Variants in ARL15 observed in about 807,000 individuals in gnomAD.
ARL15 encodes ARF like GTPase 15.
ARL15 carries 19 observed loss-of-function variants against 25.2 expected under a neutral mutation model. That is an observed-to-expected ratio of 0.75 (90% confidence interval 0.53 to 1.10). ARL15 has a LOEUF of 1.10. ARL15 is among the 50% of genes least tolerant of loss of function. The pLI is 0.00. For synonymous variants in ARL15, 94 were observed against 86.8 expected (o/e 1.08, Z -0.46); for missense variants, 220 against 246.0 (o/e 0.89, Z 0.71).
In ARL15 at chr5:54,114,370, C is replaced by T. The variant is rs1315205847; in HGVS notation, c.254-960G>A. On this transcript the variant is annotated intron_variant, in intron 3 of 4. Transcript: ENST00000504924. ...AGTGAGCCAAGATCGCGCCACTGCACTCCAGCCTGGGCAACACAGCAAGGC... is the reference window on the plus strand; with the variant it reads ...AGTGAGCCAAGATCGCGCCACTGCATTCCAGCCTGGGCAACACAGCAAGGC... 2.4e-5 allele frequency among the ~76,000 whole-genome samples: 3 copies of T among 123,768 alleles called. No homozygotes were observed. The East Asian group carries it at 9.0e-4, about 37-fold the overall frequency. 81.2% of individuals were successfully genotyped at this position (123,768 alleles called of 152,430 possible).
chr5:54,129,040 A>G (rs1401589247), intron 3 of ARL15, among the ~76,000 whole-genome samples: 1 of 152,164 alleles, frequency 6.6e-6, no homozygotes, highest in African/African-American at 2.4e-5. Flanking sequence ...CTGGAAAATT[A>G]AATTTCTTTT....
chr5:54,218,706 T>C (rs908543654), intron 1 of ARL15, among the ~76,000 whole-genome samples: 1 of 152,012 alleles, frequency 6.6e-6, no homozygotes, highest in African/African-American at 2.4e-5. Context: ...AAGACGGCAA[T>C]GGCATCACCA....
chr5:54,062,105 G>A (rs112946706), intron 4 of ARL15, among the ~76,000 whole-genome samples: 14,063 of 152,244 alleles, frequency 0.092, 886 homozygotes, highest in African/African-American at 0.17. Context: ...TAGCCCTTTT[G>A]TTTTGGTCAA....
At chr5:54,003,163 T>C (rs1392533554) in intron 4 of ARL15, among the ~76,000 whole-genome samples, 1 of 152,222 alleles carries the variant, frequency 6.6e-6, no homozygotes, top group African/African-American at 2.4e-5. Flanking sequence ...ATGTAGTTTA[T>C]GAACTAGCTC....
intron 4 of ARL15, among the ~76,000 whole-genome samples, chr5:53,908,479 A>T (rs1471979353): frequency 1.5e-4 from 23 of 152,198 alleles, no homozygotes; most frequent in Admixed American, 1.5e-3. Context: ...ATATAGGAGG[A>T]TATGCATAGG....
chr5:54,229,284 T>A (rs1457326739), intron 1 of ARL15, among the ~76,000 whole-genome samples: 2 of 152,172 alleles, frequency 1.3e-5, no homozygotes, highest in African/African-American at 2.4e-5. Context: ...TCTTTTTAAT[T>A]TTTGTTTTCT....
intron 4 of ARL15, among the ~76,000 whole-genome samples, chr5:53,938,314 A>C (rs891583507): frequency 7.9e-5 from 12 of 152,080 alleles, no homozygotes; most frequent in African/African-American, 2.9e-4. Context: ...ATACTTAGTG[A>C]GCAATTAAAC....
chr5:54,262,920 A>G (rs1179962137), intron 1 of ARL15, among the ~76,000 whole-genome samples: 1 of 152,196 alleles, frequency 6.6e-6, no homozygotes, highest in Non-Finnish European at 1.5e-5. Context: ...ATTTGGGAAC[A>G]TAATAGGCAC....
At chr5:54,217,304 T>A (rs1756237184) in intron 1 of ARL15, among the ~76,000 whole-genome samples, 1 of 151,504 alleles carries the variant, frequency 6.6e-6, no homozygotes, top group Non-Finnish European at 1.5e-5. Flanking sequence ...GTTCAGGAAA[T>A]ATACCAATTG....
At chr5:54,082,111 G>GGGAGGGAGGGAGGGAA (rs1368744286) in intron 4 of ARL15, among the ~76,000 whole-genome samples, 2 of 146,704 alleles carry the variant, frequency 1.4e-5, no homozygotes, top group African/African-American at 5.0e-5. Flanking sequence ...AAGGAAAGGA[G>GGGAGGGAGGGAGGGAA]GGAGGGAGAC....
intron 4 of ARL15, among the ~76,000 whole-genome samples, chr5:53,947,900 G>A (rs1338415476): frequency 2.0e-5 from 3 of 152,108 alleles, no homozygotes; most frequent in African/African-American, 7.2e-5. Flanking sequence ...CAAGAATCTA[G>A]TTTAGAAGAA....
At chr5:53,901,321 T>C (rs1471487336) in intron 4 of ARL15, among the ~76,000 whole-genome samples, 1 of 152,166 alleles carries the variant, frequency 6.6e-6, no homozygotes, top group Non-Finnish European at 1.5e-5. Context: ...AGAAAGCAAA[T>C]ATTGTAAGTA....
chr5:54,095,817 TA>T (rs529277522), intron 4 of ARL15, among the ~76,000 whole-genome samples: 1 of 147,000 alleles, frequency 6.8e-6, no homozygotes, highest in Non-Finnish European at 1.5e-5. Flanking sequence ...GCAAAAAACA[TA>T]AAAAAAACAT....
chr5:54,172,005 G>C, intron 1 of ARL15, 77 bp from the exon 2 acceptor site: 2 of 1,520,526 alleles, frequency 1.3e-6, no homozygotes, highest in Non-Finnish European at 1.8e-6. Context: ...TAAAATGACT[G>C]AGTAAGTATT....
chr5:54,153,653 G>A (rs879371271), intron 3 of ARL15, among the ~76,000 whole-genome samples: 3 of 152,078 alleles, frequency 2.0e-5, no homozygotes, highest in South Asian at 2.1e-4. Flanking sequence ...TGGCAGAAGC[G>A]AACCTGTCCT....
intron 4 of ARL15, among the ~76,000 whole-genome samples, chr5:53,898,147 C>G (rs961970764): frequency 2.0e-5 from 3 of 152,172 alleles, no homozygotes; most frequent in Non-Finnish European, 2.9e-5. Context: ...TGCTATCTCA[C>G]AGGTGGCAGA....
chr5:54,296,883 T>C (rs1388532812), intron 1 of ARL15, among the ~76,000 whole-genome samples: 2 of 152,156 alleles, frequency 1.3e-5, no homozygotes, highest in Non-Finnish European at 2.9e-5. Context: ...GCAGAGTTAA[T>C]GCACCACCAC....
rs994981085 is a variant in ARL15, at chr5:54,193,793, C to T, written c.49-21865G>A. Among the ~76,000 whole-genome samples, 3 of 150,286 alleles carry T rather than the reference C, an allele frequency of 2.0e-5. No homozygotes were observed. The Admixed American group carries it at 2.0e-4, about 10-fold the overall frequency. On this transcript the variant is annotated intron_variant, in intron 1 of 4. Transcript: ENST00000504924. ...TACTCTGCCTAGCACATCATAGGTGCTCAATAAATATTTGTTGATTTCCTG... is the reference window on the plus strand; with the variant it reads ...TACTCTGCCTAGCACATCATAGGTGTTCAATAAATATTTGTTGATTTCCTG...
intron 4 of ARL15, among the ~76,000 whole-genome samples, chr5:53,976,090 C>T (rs1364779830): frequency 6.6e-6 from 1 of 152,096 alleles, no homozygotes; most frequent in Non-Finnish European, 1.5e-5. Flanking sequence ...TATTAATAAA[C>T]ATTTTTTAGG....
Sources: gnomAD v4.1 joint callset for allele counts (sites outside exome capture counted in the v4.1 genomes callset) on GRCh38, gnomAD v4.1.1 for gene constraint, MANE v1.5 for transcripts, NCBI Gene and HGNC (gene_info 2026-07-23, HGNC 2026-07-21) for gene names.